The following GRHL3 variants were observed in gnomAD, a reference collection of about 807,000 sequenced individuals.
GRHL3 encodes grainyhead like transcription factor 3, also known as grainyhead-like protein 3 homolog.
In GRHL3, 20 loss-of-function variants were observed where a neutral mutation model predicts 70.3. That is an observed-to-expected ratio of 0.28 (90% CI 0.20 to 0.41). The LOEUF is 0.41. GRHL3 is among the 10% of genes least tolerant of loss of function. GRHL3 has a pLI of 1.00. For synonymous variants in GRHL3, 299 were observed against 299.9 expected (o/e 1.00, Z 0.03); for missense variants, 637 against 762.3 (o/e 0.84, Z 1.94).
chr1:24,338,740 G>A (rs1331456348), intron 7 of GRHL3, among the ~76,000 whole-genome samples: 1 of 152,236 alleles, frequency 6.6e-6, no homozygotes, highest in African/African-American at 2.4e-5. Flanking sequence ...TTAATGACTT[G>A]TCCGAGAGGC....
chr1:24,350,694 T>C (rs1569923053), intron 15 of GRHL3, among the ~76,000 whole-genome samples: 2 of 151,884 alleles, frequency 1.3e-5, no homozygotes, highest in East Asian at 3.9e-4. Context: ...TGGCGATGAG[T>C]CTGGAAAAGG....
chr1:24,336,036 A>G (rs1407637957), intron 3 of GRHL3, among the ~76,000 whole-genome samples: 4 of 152,166 alleles, frequency 2.6e-5, no homozygotes, highest in Non-Finnish European at 5.9e-5. Flanking sequence ...TTTGGGGTAC[A>G]TCCTTCCAGA....
At chr1:24,345,164 C>T (rs1375398677) in intron 12 of GRHL3, among the ~76,000 whole-genome samples, 37 of 51,756 alleles carry the variant, frequency 7.1e-4, no homozygotes, top group Admixed American at 1.5e-3. Context: ...GTGCCCCCTC[C>T]ACACCTGTGC....
chr1:24,320,452 G>T (rs1051961478), intron 1 of GRHL3, among the ~76,000 whole-genome samples: 1 of 152,224 alleles, frequency 6.6e-6, no homozygotes, highest in African/African-American at 2.4e-5. Context: ...AGAAGGTAGG[G>T]TGAGGCTGGG....
In GRHL3 at chr1:24,336,923, G is replaced by T. The variant is rs1319446060; in HGVS notation, c.612+96G>T. 4 of 1,265,604 alleles carry T rather than the reference G, an allele frequency of 3.2e-6. No homozygotes were observed. In the East Asian group the frequency reaches 7.0e-5, roughly 22 times the overall value. 78.4% of individuals were successfully genotyped at this position (1,265,604 alleles called of 1,614,324 possible). The stretch of plus-strand genomic sequence containing the variant: ...AACAGATCAGAGCTTTGGAATCCAT[G>T]GGGGAAAGCATCCTAGAGCTGAGAC... On this transcript the variant is annotated intron_variant, in intron 4 of 15. Transcript: ENST00000361548.
chr1:24,322,551 G>T lies in GRHL3; in HGVS notation c.17+2983G>T, dbSNP rs532403248. Among the ~76,000 whole-genome samples the T allele has an allele frequency of 1.3e-5, 2 of 152,346 alleles. No homozygotes were observed. Among genetic ancestry groups the T allele is most frequent in the East Asian group, 3.9e-4 (2 of 5,182 alleles). ...TTTGAGTTCGGGCTGTAAAACTGGCGGACTGGGCCGAGAGGCTTGAGCCAA... is the reference window on the plus strand; with the variant it reads ...TTTGAGTTCGGGCTGTAAAACTGGCTGACTGGGCCGAGAGGCTTGAGCCAA... On this transcript the variant is annotated intron_variant, in intron 1 of 15. Coordinates refer to ENST00000361548, the MANE Select transcript of GRHL3 (RefSeq NM_198173.3). This position sits in a 1 kb window ranked among gnomAD's most constrained non-coding sequence, Gnocchi z 4.4.
At chr1:24,338,191 T>G (rs1639901795) in intron 7 of GRHL3, 88 bp downstream of exon 7, 1 of 851,514 alleles carries the variant, frequency 1.2e-6, no homozygotes, top group South Asian at 1.7e-5. Flanking sequence ...CACCCCTGTT[T>G]CCCTACCTGG....
rs1639343245 is a variant in GRHL3, at chr1:24,325,097, T to C, written c.17+5529T>C. Among the ~76,000 whole-genome samples, 3 of 152,128 alleles carry C rather than the reference T, an allele frequency of 2.0e-5. No homozygotes were observed. The South Asian group carries it at 6.2e-4, about 32-fold the overall frequency. ...TCCCTGTGGGTGATTAGAGAGTGAT[T>C]GATCACTGTTAATGAGGTTGGGTGG... On this transcript the variant is annotated intron_variant, in intron 1 of 15. Transcript: ENST00000361548.
rs1639732467 is a variant in GRHL3, at chr1:24,334,765, T to G, written c.266+59T>G. The stretch of plus-strand genomic sequence containing the variant: ...CTTCCCCACCTCCACCTGGAGCCTC[T>G]TCCACACAGGTTTGACTTATCCATT... On this transcript the variant is annotated intron_variant, in intron 3 of 15. Coordinates refer to ENST00000361548, the MANE Select transcript of GRHL3 (RefSeq NM_198173.3). The surrounding 1 kb of genome is among the most constrained non-coding windows in gnomAD (Gnocchi z 4.3). 7.1e-7 allele frequency: 1 copy of G among 1,407,516 alleles called. No homozygotes were observed. Among genetic ancestry groups the G allele is most frequent in the Non-Finnish European group, 1.0e-6 (1 of 1,003,812 alleles). The allele number at this position is 1,407,516 out of a possible 1,614,324, so 87.2% of individuals were successfully genotyped here. A position where few individuals can be genotyped will look rare whatever the true frequency, so the allele number is the denominator to read the frequency against.
Position 24,342,912 on chromosome 1 carries a change from T to C in GRHL3, c.1306T>C (p.Ser436Pro). 1.2e-6 allele frequency: 2 copies of C among 1,614,180 alleles called. No individual in the cohort carries two copies. Among genetic ancestry groups the C allele is most frequent in the Non-Finnish European group, 8.5e-7 (1 of 1,180,028 alleles). ...SNSGVKGCLL[S>P]GFRGNETTYL... ...ATCAGGCGTCAAGGGCTGCCTGCTG[T>C]CGGGCTTCAGGGGCAATGAGACGAC... Residue 436 changes from serine to proline, a missense_variant, in exon 11 of 16, where the codon TCG (serine) becomes CCG (proline). Physicochemically the swap from Ser to Pro is moderately conservative, Grantham distance 74 (BLOSUM62 -1). This residue lies in a region of GRHL3 where 387 missense variants were observed against 513.8 expected (regional missense o/e 0.75). Coordinates refer to ENST00000361548, the MANE Select transcript of GRHL3 (RefSeq NM_198173.3). This position sits in a 1 kb window ranked among gnomAD's most constrained non-coding sequence, Gnocchi z 4.8.
At chr1:24,330,005 C>A (rs1378348831) in intron 1 of GRHL3, among the ~76,000 whole-genome samples, 1 of 152,216 alleles carries the variant, frequency 6.6e-6, no homozygotes, top group African/African-American at 2.4e-5. Context: ...AATGTACATT[C>A]TCAGCCACCC....
intron 11 of GRHL3, among the ~76,000 whole-genome samples, chr1:24,343,797 T>A (rs941366068): frequency 6.6e-6 from 1 of 152,220 alleles, no homozygotes; most frequent in Non-Finnish European, 1.5e-5. Context: ...GCACTGTTTC[T>A]TCAGGAATAT....
chr1:24,340,389 G>A (rs989630835), intron 8 of GRHL3, among the ~76,000 whole-genome samples: 7 of 152,192 alleles, frequency 4.6e-5, no homozygotes, highest in East Asian at 1.9e-4. Flanking sequence ...TCTACAAACC[G>A]GAGAGGCCTG....
At chr1:24,360,818 G>T in intron 15 of GRHL3, 1 of 1,552,584 alleles carries the variant, frequency 6.4e-7, no homozygotes, top group Non-Finnish European at 8.7e-7. Context: ...CAGAAGATTT[G>T]GTTTTTACAA....
chr1:24,331,941 C>T (rs142971616), intron 2 of GRHL3, among the ~76,000 whole-genome samples: 25 of 152,250 alleles, frequency 1.6e-4, no homozygotes, highest in African/African-American at 4.8e-4. Context: ...ATCTTCTGCA[C>T]GAGACTAAGC....
chr1:24,323,623 TA>T (rs1399596677), intron 1 of GRHL3, among the ~76,000 whole-genome samples: 3 of 152,248 alleles, frequency 2.0e-5, no homozygotes, highest in Non-Finnish European at 4.4e-5. Flanking sequence ...ATGATAAAAA[TA>T]CCCACCTCAC....
At chr1:24,340,884 G>A (rs1452972646) in intron 8 of GRHL3, among the ~76,000 whole-genome samples, 1 of 152,158 alleles carries the variant, frequency 6.6e-6, no homozygotes, top group Admixed American at 6.5e-5. Context: ...GGGTTTCGGT[G>A]GGGATTTTCT....
chr1:24,330,665 T>A (rs998119772), intron 1 of GRHL3, among the ~76,000 whole-genome samples: 1 of 152,164 alleles, frequency 6.6e-6, no homozygotes, highest in Non-Finnish European at 1.5e-5. Flanking sequence ...CAGTGCTGAG[T>A]TTCCCCAACT....
At chr1:24,364,315 T>C in exon 16 of GRHL3, 2 of 1,549,804 alleles carry the variant, frequency 1.3e-6, no homozygotes, top group South Asian at 1.2e-5. Flanking sequence ...GGACCTGGAT[T>C]CAAATCCCAG....
Sources: allele counts gnomAD v4.1 joint callset (sites outside exome capture counted in the v4.1 genomes callset), GRCh38; gene constraint gnomAD v4.1.1; regional missense constraint gnomAD v4.1.1; non-coding constraint Gnocchi (gnomAD v3.1); transcripts MANE v1.5; gene names NCBI Gene and HGNC (gene_info 2026-07-23, HGNC 2026-07-21).